Variants in GLDN observed in about 807,000 individuals in gnomAD.
GLDN encodes the protein gliomedin.
A neutral mutation model predicts 56.5 loss-of-function variants in GLDN; 47 were observed. The observed-to-expected ratio is 0.83, with a 90% CI of 0.66 to 1.06. The LOEUF (loss-of-function observed/expected upper bound fraction) is 1.06, where lower values mean the gene tolerates loss of function less well. GLDN is among the 50% of genes least tolerant of loss of function. The probability of loss-of-function intolerance (pLI) is 0.00; values close to 1 mark genes in which losing one functional copy is unlikely to be tolerated. For missense variants in GLDN, 782 were observed against 714.3 expected (o/e 1.09, Z -1.08); for synonymous variants, 332 against 278.8 (o/e 1.19, Z -1.90).
At chr15:51,412,504 A>G (rs1246369365), downstream of GLDN, among the ~76,000 whole-genome samples, 3 of 151,698 alleles carry the variant, frequency 2.0e-5, no homozygotes, top group African/African-American at 7.3e-5. Context: ...CACCCTTGCC[A>G]TCTCTCTCTC....
At chr15:51,377,422 G>T (rs763071311) in intron 1 of GLDN, 27 bp from the exon 2 acceptor site, 31 of 1,605,156 alleles carry the variant, frequency 1.9e-5, no homozygotes, top group South Asian at 1.5e-4. Flanking sequence ...CCCACTGTCT[G>T]CTCTGATGAC....
At chr15:51,376,212 A>C (rs2037628151) in intron 1 of GLDN, among the ~76,000 whole-genome samples, 1 of 152,248 alleles carries the variant, frequency 6.6e-6, no homozygotes, top group Non-Finnish European at 1.5e-5. Context: ...AGCCTACAAC[A>C]CACCTCAGCT....
chr15:51,383,599 C>A lies in GLDN; in HGVS notation c.433+146C>A, dbSNP rs181746971. On this transcript the variant is annotated intron_variant, in intron 3 of 9. Transcript: ENST00000335449. ...CCTTCTTTGTGCCCCTCACCTGAGG[C>A]TCTGCCATCACCATCCCCCCACTTG... 37 of 1,079,230 alleles carry A rather than the reference C, an allele frequency of 3.4e-5. 1 individual carries two copies. In the East Asian group the frequency reaches 8.5e-4, roughly 25 times the overall value. 66.9% of individuals were successfully genotyped at this position (1,079,230 alleles called of 1,614,324 possible).
rs752843509 is a variant in GLDN, at chr15:51,374,395, G to T, written c.364-3054G>T. 8.7e-4 allele frequency among the ~76,000 whole-genome samples: 132 copies of T among 152,122 alleles called. 1 individual carries two copies. The highest frequency in any genetic ancestry group is 2.0e-3 in the Admixed American group (30 of 15,266). Reference sequence around the variant, plus strand: ...ACATTCATTTATGAAAATGACTAAAGGCAGTGAATCAATTTTTTTTCTGTC... The same window carrying T: ...ACATTCATTTATGAAAATGACTAAATGCAGTGAATCAATTTTTTTTCTGTC... On this transcript the variant is annotated intron_variant, in intron 1 of 9. Transcript: ENST00000335449.
At chr15:51,401,534 C>T (rs2141133562) in intron 8 of GLDN, 59 bp from the exon 9 acceptor site, 2 of 1,528,094 alleles carry the variant, frequency 1.3e-6, no homozygotes, top group South Asian at 2.4e-5. Flanking sequence ...CAAGGACTCC[C>T]TCCCAAGCTG....
At position 51,401,704 on chromosome 15, in the gene GLDN, C is replaced by T. The variant is rs779966887; in HGVS notation, c.1139C>T (p.Ser380Phe). Residue 380 changes from serine to phenylalanine, a missense_variant, in exon 9 of 10, where the codon TCT becomes TTT. Transcript: ENST00000335449. ...TGTGGGCACGTTGTTTACAACAACT[C>T]TCTCTACTACCACAAAGGGGGTTCT... Reference protein sequence around the residue: ...HGCGHVVYNNSLYYHKGGSNT... With the variant: ...HGCGHVVYNNFLYYHKGGSNT... 12 of 1,614,178 alleles carry T rather than the reference C, an allele frequency of 7.4e-6. No individual in the cohort carries two copies. Among genetic ancestry groups the T allele is most frequent in the Non-Finnish European group, 7.6e-6 (9 of 1,179,996 alleles).
chr15:51,382,342 G>A (rs192949265), intron 2 of GLDN, among the ~76,000 whole-genome samples: 372 of 152,060 alleles, frequency 2.4e-3, no homozygotes, highest in Admixed American at 5.0e-3. Flanking sequence ...AACACAACAG[G>A]ATACAGGCAC....
chr15:51,397,400 CTGTCCCTCTCTCCCCTTCCCCCTTCTA>C, intron 5 of GLDN, 43 bp from the exon 6 acceptor site: 5 of 517,722 alleles, frequency 9.7e-6, no homozygotes, highest in South Asian at 8.3e-5. Flanking sequence ...CTCCCCTTCT[CTGTCCCTCTCTCCCCTTCCCCCTTCTA>C]CCTCTTGCCT....
chr15:51,377,593 T>C (rs946338412), intron 2 of GLDN, 93 bp downstream of exon 2: 4 of 829,634 alleles, frequency 4.8e-6, no homozygotes, highest in Non-Finnish European at 7.7e-6. Flanking sequence ...CACTTTGTTA[T>C]AAAAATACAT....
chr15:51,344,091 C>A (rs933230655), intron 1 of GLDN, among the ~76,000 whole-genome samples: 7 of 152,174 alleles, frequency 4.6e-5, no homozygotes, highest in Non-Finnish European at 1.0e-4. Flanking sequence ...GCGTTTCTAC[C>A]AAGCTCCCAC....
rs2141141549 is a variant in GLDN, at chr15:51,405,660, T to C, written c.*906T>C. 1 of 152,350 alleles carries C rather than the reference T, an allele frequency of 6.6e-6. No individual in the cohort carries two copies. The allele number at this position is 152,350 out of a possible 1,614,324, so 9.4% of individuals were successfully genotyped here. On this transcript the variant is annotated 3_prime_UTR_variant, in exon 10 of 10. Coordinates refer to ENST00000335449, the MANE Select transcript of GLDN (RefSeq NM_181789.4). ...ATCCTCAGATCACTCTGACTTCTTA[T>C]GCTTCTCCTGTGGATCCACTATCAA...
chr15:51,398,447 T>C (rs1182219543), intron 6 of GLDN, among the ~76,000 whole-genome samples: 1 of 152,232 alleles, frequency 6.6e-6, no homozygotes, highest in Non-Finnish European at 1.5e-5. Context: ...GGATCCGTCA[T>C]CTAACTGAAA....
At chr15:51,354,628 G>C (rs2037139778) in intron 1 of GLDN, among the ~76,000 whole-genome samples, 1 of 152,208 alleles carries the variant, frequency 6.6e-6, no homozygotes. Context: ...AAATGAAAAT[G>C]GTGCAAGTCA....
At chr15:51,388,876 C>A (rs12591997) in intron 4 of GLDN, among the ~76,000 whole-genome samples, 7,248 of 152,306 alleles carry the variant, frequency 0.048, 258 homozygotes, top group East Asian at 0.17. Context: ...GGGCTTCAGA[C>A]ACGCTCCAAT....
downstream of GLDN, among the ~76,000 whole-genome samples, chr15:51,409,923 A>G (rs76069954): frequency 3.4e-3 from 516 of 152,342 alleles, 4 homozygotes; most frequent in African/African-American, 0.012. Context: ...TTAAAAAGCT[A>G]TGTCTAGAGA....
chr15:51,397,478 G>T lies in GLDN; in HGVS notation c.697G>T (p.Gly233Cys). ...SNDVLLAGAK[G>C]DQGPPGPPGP... ...TCTCTCTCTCTCTCCAGGTGCCAAA[G>T]GTGACCAAGGCCCACCCGGTCCACC... Residue 233 changes from glycine to cysteine, a missense_variant, in exon 6 of 10, where the codon GGT (glycine) becomes TGT (cysteine). Coordinates refer to ENST00000335449, the MANE Select transcript of GLDN (RefSeq NM_181789.4). The T allele has an allele frequency of 6.6e-7, 1 of 1,522,024 alleles. No individual in the cohort carries two copies. The highest frequency in any genetic ancestry group is 2.5e-5 in the East Asian group (1 of 40,194). 94.3% of individuals were successfully genotyped at this position (1,522,024 alleles called of 1,614,324 possible).
At chr15:51,380,207 C>G (rs1024021554) in intron 2 of GLDN, among the ~76,000 whole-genome samples, 1 of 152,204 alleles carries the variant, frequency 6.6e-6, no homozygotes, top group African/African-American at 2.4e-5. Context: ...TTCACTTACA[C>G]AAATTCAAAG....
At chr15:51,409,699 G>A (rs1036719581), downstream of GLDN, among the ~76,000 whole-genome samples, 1 of 152,158 alleles carries the variant, frequency 6.6e-6, no homozygotes, top group African/African-American at 2.4e-5. Context: ...CAGAACACTC[G>A]ATCCCACTGT....
At chr15:51,386,631 A>G (rs946729256) in intron 4 of GLDN, among the ~76,000 whole-genome samples, 1 of 152,314 alleles carries the variant, frequency 6.6e-6, no homozygotes, top group African/African-American at 2.4e-5. Flanking sequence ...TGGAGAGCGC[A>G]CTGGAACCGG....
Sources: gnomAD v4.1 joint callset for allele counts (sites outside exome capture counted in the v4.1 genomes callset) on GRCh38, gnomAD v4.1.1 for gene constraint, MANE v1.5 for transcripts, NCBI Gene and HGNC (gene_info 2026-07-23, HGNC 2026-07-21) for gene names.